USH2A: variants seen among roughly 807,000 people sequenced by gnomAD.
USH2A encodes usherin.
A neutral mutation model predicts 538.9 loss-of-function variants in USH2A; 443 were observed. The observed-to-expected ratio is 0.82, with a 90% CI of 0.76 to 0.89. USH2A has a LOEUF of 0.89. Among genes scored for constraint, USH2A ranks in the 40% least tolerant of loss-of-function variants. The pLI, the probability that USH2A is intolerant of heterozygous loss-of-function variation, is 0.00. For synonymous variants in USH2A, 2,413 were observed against 2,273.5 expected (o/e 1.06, Z -1.75); for missense variants, 6,633 against 6,324.8 (o/e 1.05, Z -1.65).
chr1:215,638,029 C>T (rs1656551505), intron 69 of USH2A, among the ~76,000 whole-genome samples: 1 of 151,960 alleles, frequency 6.6e-6, no homozygotes, highest in South Asian at 2.1e-4. Context: ...AAAATTGTAC[C>T]CGTTGAGCTA....
At chr1:215,660,962 A>C (rs1202132771) in intron 64 of USH2A, among the ~76,000 whole-genome samples, 2 of 152,232 alleles carry the variant, frequency 1.3e-5, no homozygotes, top group African/African-American at 4.8e-5. Flanking sequence ...ATTGCTTCAT[A>C]TATCCTGAGA....
In USH2A at chr1:216,175,359, G is replaced by A. The variant is rs2034356402; in HGVS notation, c.4520C>T (p.Ser1507Leu). The change falls in exon 21 of 72, where the codon TCA becomes TTA. Residue 1507 changes from serine (S) to leucine (L), a missense_variant. Ser to Leu is a moderately radical substitution (Grantham distance 145). Transcript: ENST00000307340. ...SPIYQLERRE[S>L]SLPALMTTMM... ...CGTGGTCATCAGAGCTGGTAGAGATGACTCTCTCCTTTCCAGCTGATATAT... is the reference window on the plus strand; with the variant it reads ...CGTGGTCATCAGAGCTGGTAGAGATAACTCTCTCCTTTCCAGCTGATATAT... 1.2e-6 allele frequency: 2 copies of A among 1,613,704 alleles called. No individual in the cohort carries two copies. The highest frequency in any genetic ancestry group is 1.7e-5 in the Admixed American group (1 of 59,962).
chr1:216,021,844 T>A (rs1362589763), intron 32 of USH2A, among the ~76,000 whole-genome samples: 1 of 152,176 alleles, frequency 6.6e-6, no homozygotes, highest in Non-Finnish European at 1.5e-5. Context: ...TAGGGTTTGT[T>A]TGGCCCTGCC....
chr1:215,667,912 T>C (rs546862222), intron 64 of USH2A, among the ~76,000 whole-genome samples: 3 of 152,214 alleles, frequency 2.0e-5, no homozygotes, highest in African/African-American at 4.8e-5. Context: ...ATGAGTACAA[T>C]GATGTAATGT....
intron 61 of USH2A, among the ~76,000 whole-genome samples, chr1:215,700,880 G>A (rs1004927591): frequency 1.6e-4 from 24 of 152,064 alleles, no homozygotes; most frequent in Admixed American, 4.6e-4. Context: ...TGCTTCTCTA[G>A]TTCTTTTAAT....
Position 216,321,967 on chromosome 1 carries a change from G to A in USH2A, c.1560C>T (p.Cys520=), listed in dbSNP as rs1175424761. 12 of 1,613,770 alleles carry A rather than the reference G, an allele frequency of 7.4e-6. No individual in the cohort carries two copies. The highest frequency in any genetic ancestry group is 9.3e-6 in the Non-Finnish European group (11 of 1,179,842). The change falls in exon 9 of 72, where the codon TGC becomes TGT. Residue 520 remains cysteine, a synonymous_variant. Coordinates refer to ENST00000307340, the MANE Select transcript of USH2A (RefSeq NM_206933.4). ...DEITISGRCQ[C]HGHADNCDTT... is the part of the protein sequence containing the mutation. ...TGTCGCAGTTATCGGCATGACCATG[G>A]CACTGACATCTGCAAACATGAGCAT...
chr1:215,689,872 G>A (rs151152520), intron 61 of USH2A, among the ~76,000 whole-genome samples: 276 of 152,306 alleles, frequency 1.8e-3, no homozygotes, highest in Admixed American at 3.4e-3. Context: ...ATGAGACCTC[G>A]AACAAAAGGC....
Position 215,634,682 on chromosome 1 carries a change from C to T in USH2A, c.15074G>A (p.Gly5025Glu), listed in dbSNP as rs756803628. 6.2e-7 allele frequency: 1 copy of T among 1,614,192 alleles called. No individual in the cohort carries two copies. Reference protein sequence around the residue: ...TGLGLVLTTPGKKKGSRSKST... With the variant: ...TGLGLVLTTPEKKKGSRSKST... ...TTTGCTCCGCGATCCCTTCTTTTTC[C>T]CAGGAGTTGTTAGGACCAAGCCTGC... is the stretch of plus-strand genomic sequence containing the variant. Residue 5025 changes from glycine (G) to glutamate (E), a missense_variant, in exon 70 of 72, where the codon GGG (glycine) becomes GAG (glutamate). By Grantham distance (98) the Gly-to-Glu change is moderately conservative. Transcript: ENST00000307340.
At chr1:216,047,359 C>G (rs2030566563) in intron 31 of USH2A, among the ~76,000 whole-genome samples, 1 of 151,926 alleles carries the variant, frequency 6.6e-6, no homozygotes. Flanking sequence ...GCCATTTGTC[C>G]CATATTGAGG....
At chr1:216,053,454 CTTTT>C (rs34981846) in intron 30 of USH2A, among the ~76,000 whole-genome samples, 3 of 111,170 alleles carry the variant, frequency 2.7e-5, no homozygotes, top group African/African-American at 3.3e-5. Context: ...CCAGAGAAGT[CTTTT>C]TTTTTTTTTT....
At chr1:216,013,280 G>C (rs199806572) in intron 32 of USH2A, among the ~76,000 whole-genome samples, 2 of 144,306 alleles carry the variant, frequency 1.4e-5, no homozygotes, top group African/African-American at 5.1e-5. Flanking sequence ...CTTACCACAA[G>C]ACCTCCCTTC....
intron 9 of USH2A, among the ~76,000 whole-genome samples, chr1:216,294,402 T>C (rs901872796): frequency 1.3e-5 from 2 of 152,052 alleles, no homozygotes; most frequent in East Asian, 3.9e-4. Flanking sequence ...TATTGTGTTA[T>C]TAAAAATCAT....
At chr1:215,924,355 G>T (rs565583196) in intron 38 of USH2A, among the ~76,000 whole-genome samples, 8 of 152,132 alleles carry the variant, frequency 5.3e-5, no homozygotes, top group African/African-American at 1.9e-4. Context: ...TGCTGCTGAT[G>T]AAAAGAGGTT....
At chr1:216,052,630 A>G (rs1160990411) in intron 30 of USH2A, among the ~76,000 whole-genome samples, 4 of 152,168 alleles carry the variant, frequency 2.6e-5, no homozygotes, top group Non-Finnish European at 1.5e-5. Flanking sequence ...GAAGAACACT[A>G]TAATGGTTCA....
At chr1:216,119,948 A>T (rs1344287180) in intron 21 of USH2A, among the ~76,000 whole-genome samples, 2 of 151,976 alleles carry the variant, frequency 1.3e-5, no homozygotes, top group South Asian at 4.1e-4. Context: ...CCTCCTCAAC[A>T]CCTAGCCAAG....
intron 60 of USH2A, among the ~76,000 whole-genome samples, chr1:215,740,956 C>T (rs922132472): frequency 3.3e-5 from 5 of 152,102 alleles, no homozygotes; most frequent in South Asian, 2.1e-4. Context: ...GGTGAAGCTC[C>T]GGTGGTAATG....
At position 216,097,151 on chromosome 1, in the gene USH2A, C is replaced by G. The variant is rs2032460187; in HGVS notation, c.4690G>C (p.Gly1564Arg). 6.2e-7 allele frequency: 1 copy of G among 1,614,102 alleles called. No individual in the cohort carries two copies. The highest frequency in any genetic ancestry group is 8.5e-7 in the Non-Finnish European group (1 of 1,180,004). Reference protein sequence around the residue: ...EGLIVFAASPGNQEEYFALQL... With the variant: ...EGLIVFAASPRNQEEYFALQL... ...AGTGCAAAATACTCTTCCTGATTGC[C>G]AGGTGATGCTGCAAAGACAATCAAA... Residue 1564 changes from glycine (G) to arginine (R), a missense_variant, in exon 22 of 72, where the codon GGC (glycine) becomes CGC (arginine). Physicochemically the swap from Gly to Arg is moderately radical, Grantham distance 125. Coordinates refer to ENST00000307340, the MANE Select transcript of USH2A (RefSeq NM_206933.4).
rs780581599 is a variant in USH2A, at chr1:216,394,720, C to CTTTTTTTTTTTTTTTTTT, written c.651+23793_651+23794insAAAAAAAAAAAAAAAAAA. Among the ~76,000 whole-genome samples, 21 of 120,324 alleles carry CTTTTTTTTTTTTTTTTTT rather than the reference C, an allele frequency of 1.7e-4. 6 individuals are homozygous for CTTTTTTTTTTTTTTTTTT. The highest frequency in any genetic ancestry group is 9.2e-4 in the South Asian group (3 of 3,266). The allele number at this position is 120,324 out of a possible 152,430, so 78.9% of individuals were successfully genotyped here. A position where few individuals can be genotyped will look rare whatever the true frequency, so the allele number is the denominator to read the frequency against. On this transcript the variant is annotated intron_variant, in intron 3 of 71. Transcript: ENST00000307340. ...CTTAAGGCCTAATAACTGGTCCAGT[C>CTTTTTTTTTTTTTTTTTT]TTTTTTTTTTTTTTTTGAGACAGAG... is the stretch of plus-strand genomic sequence containing the variant.
chr1:216,341,751 T>G (rs1333603623), intron 4 of USH2A, among the ~76,000 whole-genome samples: 1 of 152,128 alleles, frequency 6.6e-6, no homozygotes, highest in African/African-American at 2.4e-5. Context: ...GGGGAAAAGA[T>G]TCCCTATTTT....
Sources: gnomAD v4.1 joint callset for allele counts (sites outside exome capture counted in the v4.1 genomes callset) on GRCh38, gnomAD v4.1.1 for gene constraint, MANE v1.5 for transcripts, NCBI Gene and HGNC (gene_info 2026-07-23, HGNC 2026-07-21) for gene names.